Variants in PTPRG observed in about 807,000 individuals in gnomAD.
PTPRG encodes protein tyrosine phosphatase receptor type G, also known as receptor-type tyrosine-protein phosphatase gamma.
A neutral mutation model predicts 165.3 loss-of-function variants in PTPRG; 102 were observed. The observed-to-expected ratio is 0.62, with a 90% CI of 0.53 to 0.73. The LOEUF is 0.73. Among genes scored for constraint, PTPRG ranks in the 30% least tolerant of loss-of-function variants. The pLI is 0.00. For synonymous variants in PTPRG, 675 were observed against 669.5 expected, an observed-to-expected ratio of 1.01 and a Z score of -0.13; for missense variants, 1,866 against 1,861.4, an observed-to-expected ratio of 1.00 and a Z score of -0.05.
At chr3:62,218,423 T>C (rs902219518) in intron 12 of PTPRG, among the ~76,000 whole-genome samples, 1 of 152,190 alleles carries the variant, frequency 6.6e-6, no homozygotes, top group Non-Finnish European at 1.5e-5. Context: ...AAACCCATCA[T>C]GCCAGCCCTC....
chr3:62,188,978 A>G (rs1286385946), intron 8 of PTPRG, among the ~76,000 whole-genome samples: 1 of 152,070 alleles, frequency 6.6e-6, no homozygotes, highest in East Asian at 1.9e-4. Flanking sequence ...TTGAAAAACT[A>G]TGAAGCCACT....
At chr3:61,700,265 T>G (rs2030880298) in intron 1 of PTPRG, among the ~76,000 whole-genome samples, 1 of 152,160 alleles carries the variant, frequency 6.6e-6, no homozygotes, top group South Asian at 2.1e-4. Context: ...TATGTGAGAT[T>G]TTTCTCATAA....
rs149928696 is a variant in PTPRG at position 62,126,413 on chromosome 3, G to T, written c.616-6189G>T. On this transcript the variant is annotated intron_variant, in intron 5 of 29. Transcript: ENST00000474889. ...AATTAACAGTAAGTAAGCCATGTCC[G>T]TGCTCAAGCTGCGTTTGAAGTGGGG... Among the ~76,000 whole-genome samples, 14 of 152,280 alleles carry T rather than the reference G, an allele frequency of 9.2e-5. No homozygotes were observed. In the South Asian group the frequency reaches 2.9e-3, roughly 32 times the overall value.
intron 5 of PTPRG, among the ~76,000 whole-genome samples, chr3:62,079,146 G>A (rs908671969): frequency 6.6e-6 from 1 of 152,202 alleles, no homozygotes; most frequent in Non-Finnish European, 1.5e-5. Context: ...GAGCAAGTTT[G>A]TCATTGAGGT....
chr3:61,572,564 G>T (rs1700081596), intron 1 of PTPRG, among the ~76,000 whole-genome samples: 1 of 152,146 alleles, frequency 6.6e-6, no homozygotes, highest in Non-Finnish European at 1.5e-5. Flanking sequence ...TTAAAAATCA[G>T]TCATTTTGCA....
chr3:62,124,507 G>C, intron 5 of PTPRG: 1 of 1,582,458 alleles, frequency 6.3e-7, no homozygotes, highest in Non-Finnish European at 8.7e-7. Flanking sequence ...TTTACAGCAG[G>C]CTCATCAGGT....
intron 1 of PTPRG, among the ~76,000 whole-genome samples, chr3:61,716,259 G>T (rs531113250): frequency 1.3e-5 from 2 of 152,184 alleles, no homozygotes; most frequent in African/African-American, 4.8e-5. Flanking sequence ...GCTATTTTGT[G>T]GTAATTTAAT....
chr3:62,113,676 C>T (rs1702751908), intron 5 of PTPRG, among the ~76,000 whole-genome samples: 1 of 152,150 alleles, frequency 6.6e-6, no homozygotes, highest in South Asian at 2.1e-4. Context: ...CTGGAGGGAA[C>T]CAGTAAGGTT....
intron 2 of PTPRG, among the ~76,000 whole-genome samples, chr3:61,787,600 C>T (rs1172381849): frequency 6.6e-6 from 1 of 152,184 alleles, no homozygotes; most frequent in African/African-American, 2.4e-5. Context: ...TTAGGTCCTT[C>T]TGGGAAGCCC....
chr3:61,914,470 C>G (rs948324817), intron 2 of PTPRG, among the ~76,000 whole-genome samples: 1 of 152,218 alleles, frequency 6.6e-6, no homozygotes, highest in Non-Finnish European at 1.5e-5. Flanking sequence ...TTGACTGCGT[C>G]TCTTTCCTGC....
intron 12 of PTPRG, among the ~76,000 whole-genome samples, chr3:62,216,596 C>T (rs925741074): frequency 2.6e-5 from 4 of 151,848 alleles, no homozygotes; most frequent in Non-Finnish European, 2.9e-5. Context: ...CTTCTGGGAC[C>T]CCACAAAATT....
intron 1 of PTPRG, among the ~76,000 whole-genome samples, chr3:61,639,101 T>G (rs1187129969): frequency 1.3e-5 from 2 of 152,158 alleles, no homozygotes; most frequent in Non-Finnish European, 2.9e-5. Context: ...GAAAGGGAGG[T>G]GTTCACTTTC....
At chr3:61,659,209 G>A in intron 1 of PTPRG, 3 of 675,032 alleles carry the variant, frequency 4.4e-6, no homozygotes, top group Non-Finnish European at 5.5e-6. Flanking sequence ...TTTTATTCTT[G>A]TAGCTCCATA....
At chr3:61,742,975 T>A in intron 1 of PTPRG, 1 of 1,513,412 alleles carries the variant, frequency 6.6e-7, no homozygotes, top group South Asian at 1.1e-5. Flanking sequence ...GCACTTGTCC[T>A]TCTGGGGGTC....
In PTPRG at chr3:62,081,289, CAAACAAAA is replaced by C. The variant is rs1447373341; in HGVS notation, c.615+3033_615+3040del. 3.5e-5 allele frequency among the ~76,000 whole-genome samples: 5 copies of C among 144,752 alleles called. No individual in the cohort carries two copies. The East Asian group carries it at 6.2e-4, about 18-fold the overall frequency. 95.0% of individuals were successfully genotyped at this position (144,752 alleles called of 152,430 possible). A position where few individuals can be genotyped will look rare whatever the true frequency, so the allele number is the denominator to read the frequency against. On this transcript the variant is annotated intron_variant, in intron 5 of 29. Transcript: ENST00000474889. The stretch of plus-strand genomic sequence containing the variant: ...ACAAACAAACAAACAAACAAACAAA[CAAACAAAA>C]ACATAATTTTACATAGATAGCAGCT...
chr3:61,884,387 G>C (rs1037369639), intron 2 of PTPRG, among the ~76,000 whole-genome samples: 1 of 152,190 alleles, frequency 6.6e-6, no homozygotes, highest in Non-Finnish European at 1.5e-5. Flanking sequence ...TCAGGGAATT[G>C]AGTCTGGTGG....
chr3:62,112,877 T>C (rs899837526), intron 5 of PTPRG, among the ~76,000 whole-genome samples: 3 of 152,204 alleles, frequency 2.0e-5, no homozygotes, highest in Non-Finnish European at 4.4e-5. Flanking sequence ...GTGTCAGATG[T>C]CCATGATTGA....
chr3:61,678,675 C>T (rs1703321997), intron 1 of PTPRG, among the ~76,000 whole-genome samples: 1 of 152,124 alleles, frequency 6.6e-6, no homozygotes, highest in Non-Finnish European at 1.5e-5. Flanking sequence ...CTTGGCATCT[C>T]ACATTTCTAG....
intron 1 of PTPRG, among the ~76,000 whole-genome samples, chr3:61,643,258 G>A (rs887719035): frequency 1.0e-4 from 15 of 148,114 alleles, no homozygotes; most frequent in African/African-American, 3.7e-4. Context: ...GACCCCATCT[G>A]GGGAGAGAGA....
Sources: gnomAD v4.1 joint callset for allele counts (sites outside exome capture counted in the v4.1 genomes callset) on GRCh38, gnomAD v4.1.1 for gene constraint, MANE v1.5 for transcripts, NCBI Gene and HGNC (gene_info 2026-07-23, HGNC 2026-07-21) for gene names.